The following CAMTA1 variants were observed in gnomAD, a reference collection of about 807,000 sequenced individuals.
The protein encoded by CAMTA1 is calmodulin binding transcription activator 1, also known as calmodulin-binding transcription activator 1.
Under a neutral mutation model 170.9 loss-of-function variants are expected in CAMTA1, and 27 were observed. The observed-to-expected ratio is 0.16, with a 90% CI of 0.12 to 0.22. The LOEUF (loss-of-function observed/expected upper bound fraction) is 0.22. CAMTA1 is among the 10% of genes least tolerant of loss of function. The pLI is 1.00. For missense variants in CAMTA1, 1,619 were observed against 2,217.2 expected, an observed-to-expected ratio of 0.73 and a Z score of 5.42; for synonymous variants, 833 against 891.5, an observed-to-expected ratio of 0.93 and a Z score of 1.17.
At chr1:6,813,686 C>G (rs1385492622) in intron 1 of CAMTA1, among the ~76,000 whole-genome samples, 1 of 151,964 alleles carries the variant, frequency 6.6e-6, no homozygotes, top group Non-Finnish European at 1.5e-5. Flanking sequence ...AGTGGCACAG[C>G]TCACAGCTCA....
intron 5 of CAMTA1, among the ~76,000 whole-genome samples, chr1:7,329,113 CAA>C (rs1386710438): frequency 6.6e-6 from 1 of 151,778 alleles, no homozygotes; most frequent in Non-Finnish European, 1.5e-5. Flanking sequence ...CTTAAAAATC[CAA>C]AGAGTGTGAT....
chr1:7,368,965 CCTT>C (rs1309098805), intron 5 of CAMTA1: 1 of 152,312 alleles, frequency 6.6e-6, no homozygotes. Flanking sequence ...CCACCTTCCT[CCTT>C]CTGCTTCTGT....
intron 5 of CAMTA1, among the ~76,000 whole-genome samples, chr1:7,256,774 C>T (rs1036472811): frequency 1.3e-4 from 19 of 151,970 alleles, no homozygotes; most frequent in Middle Eastern, 6.8e-3. Context: ...AAGGTGCAGG[C>T]GGATTTGGTG....
chr1:7,188,987 A>G (rs533199146), intron 4 of CAMTA1, among the ~76,000 whole-genome samples: 6 of 152,272 alleles, frequency 3.9e-5, no homozygotes, highest in East Asian at 1.9e-4. Flanking sequence ...TTGTTTTTTA[A>G]TAATAGCCAT....
intron 4 of CAMTA1, among the ~76,000 whole-genome samples, chr1:7,122,222 C>T (rs1644686006): frequency 1.3e-5 from 2 of 151,984 alleles, no homozygotes; most frequent in Admixed American, 1.3e-4. Flanking sequence ...TTAACCTGTC[C>T]CCACTGTCCC....
At chr1:7,066,199 T>C (rs1708939815) in intron 3 of CAMTA1, among the ~76,000 whole-genome samples, 1 of 152,226 alleles carries the variant, frequency 6.6e-6, no homozygotes, top group African/African-American at 2.4e-5. Flanking sequence ...TCCTTTCTAG[T>C]GGTTCCCTCT....
At chr1:7,536,912 T>G (rs1209217) in intron 6 of CAMTA1, among the ~76,000 whole-genome samples, 119,442 of 151,938 alleles carry the variant, frequency 0.79, 47,368 homozygotes, top group African/African-American at 0.89. Flanking sequence ...CCTGCCCCCA[T>G]TGATCTCTCG....
rs368483417 is a variant in CAMTA1, at chr1:7,670,939, C to A, written c.2681C>A (p.Pro894Gln). 28 of 1,613,596 alleles carry A rather than the reference C, an allele frequency of 1.7e-5. No individual in the cohort carries two copies. Among genetic ancestry groups the A allele is most frequent in the Non-Finnish European group, 1.7e-5 (20 of 1,179,956 alleles). ...EGGVKVLITG[P>Q]WQEASNNYSC... The stretch of plus-strand genomic sequence containing the variant: ...GGAGTGAAGGTCCTCATCACAGGCC[C>A]GTGGCAAGAAGCCAGCAATAACTAC... The change falls in exon 10 of 23, where the codon CCG (proline) becomes CAG (glutamine). Residue 894 changes from proline (P) to glutamine (Q), a missense_variant. Transcript: ENST00000303635.
At position 7,041,108 on chromosome 1, in the gene CAMTA1, A is replaced by G. The variant is rs1704383289; in HGVS notation, c.235-50196A>G. Among the ~76,000 whole-genome samples the G allele has an allele frequency of 6.6e-6, 1 of 152,220 alleles. No individual in the cohort carries two copies. The highest frequency in any genetic ancestry group is 2.4e-5 in the African/African-American group (1 of 41,450). On this transcript the variant is annotated intron_variant, in intron 3 of 22. Transcript: ENST00000303635. This position sits in a 1 kb window ranked among gnomAD's most constrained non-coding sequence, Gnocchi z 5.1. ...CCTGGCATTTTGGAGGAGCAGGGAA[A>G]TGAGATAAAGCTGCAAAATGACTCC...
chr1:7,707,576 C>T (rs771337753), intron 11 of CAMTA1, among the ~76,000 whole-genome samples: 8 of 151,992 alleles, frequency 5.3e-5, no homozygotes, highest in Non-Finnish European at 8.8e-5. Flanking sequence ...GAGGTTTCTC[C>T]ATGTTGCCCA....
At chr1:6,853,724 GA>G (rs1344275120) in intron 3 of CAMTA1, among the ~76,000 whole-genome samples, 1 of 152,102 alleles carries the variant, frequency 6.6e-6, no homozygotes, top group East Asian at 1.9e-4. Flanking sequence ...TAAAATGGTA[GA>G]AAAGCCATAT....
chr1:7,056,048 G>A (rs1206869125), intron 3 of CAMTA1, among the ~76,000 whole-genome samples: 1 of 152,164 alleles, frequency 6.6e-6, no homozygotes, highest in Admixed American at 6.5e-5. Flanking sequence ...AAGATCCTGT[G>A]CCTTTTGCTC....
intron 5 of CAMTA1, among the ~76,000 whole-genome samples, chr1:7,276,351 CCAGGCTGG>C (rs1048011174): frequency 1.7e-5 from 2 of 119,364 alleles, no homozygotes; most frequent in African/African-American, 7.2e-5. Context: ...GCTCTGTCAC[CCAGGCTGG>C]AGTGCAATGG....
intron 7 of CAMTA1, among the ~76,000 whole-genome samples, chr1:7,657,890 T>G (rs2149106014): frequency 6.6e-6 from 1 of 152,274 alleles, no homozygotes; most frequent in East Asian, 1.9e-4. Context: ...CACTGGGTCT[T>G]CATTTTATAA....
At chr1:7,186,278 C>A (rs1653249715) in intron 4 of CAMTA1, among the ~76,000 whole-genome samples, 1 of 152,148 alleles carries the variant, frequency 6.6e-6, no homozygotes, top group Non-Finnish European at 1.5e-5. Context: ...TGCCAATTTT[C>A]TGTGTCTTGA....
chr1:7,660,171 C>A (rs907365915), intron 7 of CAMTA1, among the ~76,000 whole-genome samples: 1 of 152,224 alleles, frequency 6.6e-6, no homozygotes, highest in African/African-American at 2.4e-5. Context: ...GCCTCCCAGA[C>A]GATTCTTTTG....
rs1341166445 is a variant in CAMTA1 at position 7,640,508 on chromosome 1, G to C, written c.619G>C (p.Ala207Pro). 1.2e-6 allele frequency: 2 copies of C among 1,614,216 alleles called. No homozygotes were observed. Among genetic ancestry groups the C allele is most frequent in the Non-Finnish European group, 1.7e-6 (2 of 1,180,038 alleles). ...CATCAACACCGACAAGAAGGAGTGG[G>C]CGAAATGGACGAAAGAAGAGCTCAT... ...CSINTDKKEW[A>P]KWTKEELIGQ... The change falls in exon 7 of 23, where the codon GCG becomes CCG. Residue 207 changes from alanine to proline, a missense_variant. Around this residue, in one of 8 missense-constraint regions of CAMTA1, gnomAD observed 97 missense variants for 225.4 expected, o/e 0.43. Transcript: ENST00000303635.
chr1:6,812,286 C>CT (rs752815858), intron 1 of CAMTA1, among the ~76,000 whole-genome samples: 11 of 152,282 alleles, frequency 7.2e-5, no homozygotes, highest in Non-Finnish European at 1.3e-4. Flanking sequence ...AGCTTGTGGC[C>CT]TTTGCCCAGT....
chr1:7,027,219 C>T (rs1473663288), intron 3 of CAMTA1, among the ~76,000 whole-genome samples: 1 of 152,112 alleles, frequency 6.6e-6, no homozygotes, highest in Non-Finnish European at 1.5e-5. Context: ...AAAGAAATGT[C>T]TTCGGTTTGT....
Sources: gnomAD v4.1 joint callset for allele counts (sites outside exome capture counted in the v4.1 genomes callset) on GRCh38, gnomAD v4.1.1 for gene constraint, gnomAD v4.1.1 regional missense constraint, Gnocchi (gnomAD v3.1) non-coding constraint, MANE v1.5 for transcripts, NCBI Gene and HGNC (gene_info 2026-07-23, HGNC 2026-07-21) for gene names.